The following LARS2 variants were observed in gnomAD, a reference collection of about 807,000 sequenced individuals.
LARS2 encodes the protein leucyl-tRNA synthetase 2, mitochondrial.
LARS2 carries 81 observed loss-of-function variants against 116.6 expected under a neutral mutation model. The ratio of observed to expected loss-of-function variants is 0.69; its 90% CI spans 0.58 to 0.84. LARS2 has a LOEUF of 0.84. Among genes scored for constraint, LARS2 ranks in the 40% least tolerant of loss-of-function variants. LARS2 has a pLI of 0.00. For missense variants in LARS2, 968 were observed against 1,114.5 expected, an observed-to-expected ratio of 0.87 and a Z score of 1.87; for synonymous variants, 396 against 407.2, an observed-to-expected ratio of 0.97 and a Z score of 0.33.
intron 14 of LARS2, among the ~76,000 whole-genome samples, chr3:45,498,840 A>G (rs1700064965): frequency 6.6e-6 from 1 of 152,218 alleles, no homozygotes; most frequent in Admixed American, 6.5e-5. Flanking sequence ...AGAGTATGAG[A>G]AAGCCTTTCT....
intron 13 of LARS2, 108 bp downstream of exon 13, chr3:45,491,908 G>A: frequency 9.3e-7 from 1 of 1,070,458 alleles, no homozygotes; most frequent in South Asian, 1.5e-5. Context: ...CTTTTTCCCT[G>A]ACTTCCATGA....
Position 45,541,910 on chromosome 3 carries a change from A to C in LARS2, c.2486A>C (p.Asp829Ala). ...CTGCTCCAGGCATGGCCTGCTGTGG[A>C]CCCGGAGTTCCTGCAGCAGCCTGAG... ...SVLLQAWPAV[D>A]PEFLQQPEVV... The change falls in exon 21 of 22, where the codon GAC becomes GCC. Residue 829 changes from aspartate (D) to alanine (A), a missense_variant. Asp to Ala is a moderately radical substitution (Grantham distance 126). Transcript: ENST00000645846. 6.2e-7 allele frequency: 1 copy of C among 1,614,160 alleles called. No homozygotes were observed. Among genetic ancestry groups the C allele is most frequent in the South Asian group, 1.1e-5 (1 of 91,084 alleles).
At chr3:45,490,997 A>C (rs1248582175) in intron 12 of LARS2, among the ~76,000 whole-genome samples, 1 of 152,248 alleles carries the variant, frequency 6.6e-6, no homozygotes, top group Non-Finnish European at 1.5e-5. Flanking sequence ...GCTTTAGGAT[A>C]ATATTGGATT....
chr3:45,449,376 G>T (rs985423535), intron 7 of LARS2, among the ~76,000 whole-genome samples: 2 of 152,138 alleles, frequency 1.3e-5, no homozygotes, highest in South Asian at 4.2e-4. Context: ...TGGTCAGACT[G>T]GTCTTGAACT....
intron 4 of LARS2, among the ~76,000 whole-genome samples, chr3:45,410,621 T>C (rs542323376): frequency 1.2e-4 from 18 of 152,178 alleles, no homozygotes; most frequent in Non-Finnish European, 2.2e-4. Context: ...ATTTCCCCAG[T>C]CTCTCTCCAT....
intron 18 of LARS2, among the ~76,000 whole-genome samples, chr3:45,518,303 G>A (rs552319310): frequency 5.3e-5 from 8 of 152,144 alleles, no homozygotes; most frequent in Middle Eastern, 6.3e-3. Context: ...CCCAGGAAAT[G>A]GCTCTCTGAT....
rs1465141240 is a variant in LARS2, at chr3:45,419,671, A to G, written c.458A>G (p.Asn153Ser). 2 of 1,613,232 alleles carry G rather than the reference A, an allele frequency of 1.2e-6. No homozygotes were observed. The highest frequency in any genetic ancestry group is 1.3e-5 in the African/African-American group (1 of 75,022). The change falls in exon 6 of 22, where the codon AAT becomes AGT. Residue 153 changes from asparagine to serine, a missense_variant and splice_region_variant. Transcript: ENST00000645846. ...ACCTTTTTCCCATTGTTTCACAGTA[A>G]TATTAAACACATGAGGAAACAGCTT... ...NLHPQSWTQS[N>S]IKHMRKQLDR...
rs113065626 is a variant in LARS2, at chr3:45,549,172, T to C, written c.*1642T>C. The C allele has an allele frequency of 4.2e-3, 639 of 152,336 alleles. 5 individuals carry two copies. Among genetic ancestry groups the C allele is most frequent in the Non-Finnish European group, 5.1e-3 (349 of 68,022 alleles). 9.4% of individuals were successfully genotyped at this position (152,336 alleles called of 1,614,324 possible). ...TTTAAAACTCCACAAGTGATTCTAA[T>C]GGGCAGCAAAGTTTGAGAATCACTG... On this transcript the variant is annotated 3_prime_UTR_variant, in exon 22 of 22. Coordinates refer to ENST00000645846, the MANE Select transcript of LARS2 (RefSeq NM_015340.4).
chr3:45,457,998 A>C (rs1042766949), intron 7 of LARS2, among the ~76,000 whole-genome samples: 1 of 152,200 alleles, frequency 6.6e-6, no homozygotes, highest in Non-Finnish European at 1.5e-5. Flanking sequence ...AGAGTTTTCT[A>C]GGGTGCTGGA....
At chr3:45,425,132 A>G (rs1000354630) in intron 6 of LARS2, among the ~76,000 whole-genome samples, 3 of 151,698 alleles carry the variant, frequency 2.0e-5, no homozygotes, top group Non-Finnish European at 4.4e-5. Flanking sequence ...ATTTATCTTC[A>G]TAGATCTTAT....
At chr3:45,392,326 G>A (rs1304977188) in intron 2 of LARS2, among the ~76,000 whole-genome samples, 1 of 148,738 alleles carries the variant, frequency 6.7e-6, no homozygotes, top group East Asian at 1.9e-4. Context: ...TTTTGAGATG[G>A]AGTCTTGTTT....
intron 1 of LARS2, 82 bp from the exon 2 acceptor site, chr3:45,391,501 A>G: frequency 6.6e-6 from 1 of 151,620 alleles, no homozygotes; most frequent in Non-Finnish European, 1.5e-5. Context: ...AAAAAAACAA[A>G]ATCCATCTGT....
At chr3:45,485,840 A>G (rs771852278) in intron 11 of LARS2, 44 bp downstream of exon 11, 55 of 1,256,582 alleles carry the variant, frequency 4.4e-5, no homozygotes, top group Non-Finnish European at 5.6e-5. Context: ...TATTTTGCAG[A>G]TTTAGAATCA....
chr3:45,521,270 A>T (rs968043968), intron 19 of LARS2, among the ~76,000 whole-genome samples: 1 of 152,150 alleles, frequency 6.6e-6, no homozygotes, highest in African/African-American at 2.4e-5. Flanking sequence ...ACGCCACTGC[A>T]CTTCAGCCTG....
intron 4 of LARS2, among the ~76,000 whole-genome samples, chr3:45,401,613 G>T (rs1284631588): frequency 2.0e-5 from 3 of 151,870 alleles, no homozygotes; most frequent in Non-Finnish European, 4.4e-5. Context: ...TTTACCCCCC[G>T]CCTGCTTTTT....
chr3:45,421,060 T>C (rs760730680), intron 6 of LARS2: 3 of 152,204 alleles, frequency 2.0e-5, no homozygotes, highest in Admixed American at 6.5e-5. Context: ...TTTGAAAAAG[T>C]GACTTTTATA....
chr3:45,421,011 A>T (rs371455329), intron 6 of LARS2, among the ~76,000 whole-genome samples: 4 of 152,196 alleles, frequency 2.6e-5, no homozygotes, highest in Admixed American at 1.3e-4. Context: ...CAATATGCAT[A>T]TATTTTTTGT....
At chr3:45,405,543 C>G (rs1319071530) in intron 4 of LARS2, among the ~76,000 whole-genome samples, 1 of 152,084 alleles carries the variant, frequency 6.6e-6, no homozygotes, top group Non-Finnish European at 1.5e-5. Flanking sequence ...GTGACAAAAT[C>G]CTTGGGCTCA....
intron 4 of LARS2, among the ~76,000 whole-genome samples, chr3:45,415,337 A>C (rs1022363997): frequency 1.3e-5 from 2 of 152,194 alleles, no homozygotes; most frequent in African/African-American, 4.8e-5. Context: ...AGAAATAATA[A>C]TACTAGTGGC....
Sources: allele counts gnomAD v4.1 joint callset (sites outside exome capture counted in the v4.1 genomes callset), GRCh38; gene constraint gnomAD v4.1.1; transcripts MANE v1.5; gene names NCBI Gene and HGNC (gene_info 2026-07-23, HGNC 2026-07-21).